Variants in WWOX observed in about 807,000 individuals in gnomAD.
The protein encoded by WWOX is WW domain containing oxidoreductase.
WWOX carries 69 observed loss-of-function variants against 46.2 expected under a neutral mutation model. The observed-to-expected ratio is 1.49, with a 90% CI of 1.23 to 1.82. The LOEUF (loss-of-function observed/expected upper bound fraction) is 1.82. Among genes scored for constraint, WWOX ranks in the 40% most tolerant of loss-of-function variants. WWOX has a pLI of 0.00. For missense variants in WWOX, 919 were observed against 542.6 expected (o/e 1.69, Z -6.89); for synonymous variants, 359 against 202.6 (o/e 1.77, Z -6.56).
chr16:78,573,498 T>G (rs2044770827), intron 8 of WWOX, among the ~76,000 whole-genome samples: 2 of 152,194 alleles, frequency 1.3e-5, no homozygotes, highest in Non-Finnish European at 2.9e-5. Context: ...AGATGCATCT[T>G]CCTAAAACAC....
intron 8 of WWOX, among the ~76,000 whole-genome samples, chr16:79,068,724 T>G (rs1263056897): frequency 6.6e-6 from 1 of 151,646 alleles, no homozygotes; most frequent in African/African-American, 2.4e-5. Flanking sequence ...GGTGGGAGGA[T>G]GGCTCGAGCC....
chr16:78,282,065 G>A (rs2079688472), intron 5 of WWOX, among the ~76,000 whole-genome samples: 2 of 152,194 alleles, frequency 1.3e-5, no homozygotes, highest in African/African-American at 2.4e-5. Context: ...GATTGGCCTA[G>A]TTTTAGGCAG....
intron 8 of WWOX, among the ~76,000 whole-genome samples, chr16:78,811,821 G>A (rs1326238505): frequency 1.3e-5 from 2 of 152,056 alleles, no homozygotes; most frequent in African/African-American, 4.8e-5. Context: ...AGGGGTAGAG[G>A]GACACAAACA....
At chr16:78,509,663 C>G (rs543571791) in intron 8 of WWOX, among the ~76,000 whole-genome samples, 1 of 152,148 alleles carries the variant, frequency 6.6e-6, no homozygotes, top group East Asian at 1.9e-4. Flanking sequence ...CTATTTACAC[C>G]ACGGAAACAG....
chr16:78,638,951 C>G (rs1410850077), intron 8 of WWOX, among the ~76,000 whole-genome samples: 1 of 152,058 alleles, frequency 6.6e-6, no homozygotes, highest in Non-Finnish European at 1.5e-5. Context: ...GAATGATTCC[C>G]TCTGGGGTGC....
chr16:78,808,401 A>G (rs940431928), intron 8 of WWOX, among the ~76,000 whole-genome samples: 4 of 152,232 alleles, frequency 2.6e-5, no homozygotes, highest in African/African-American at 9.6e-5. Context: ...ATAATTTTCA[A>G]ATATGGGTAA....
intron 5 of WWOX, among the ~76,000 whole-genome samples, chr16:78,331,737 A>C (rs556523955): frequency 6.6e-6 from 1 of 152,368 alleles, no homozygotes; most frequent in East Asian, 1.9e-4. Context: ...CTAGCTGTGT[A>C]GACATTGGTT....
chr16:78,254,111 C>G (rs555688391), intron 5 of WWOX, among the ~76,000 whole-genome samples: 140 of 151,928 alleles, frequency 9.2e-4, no homozygotes, highest in African/African-American at 3.3e-3. Context: ...TGTTCTGTCA[C>G]TCAGGCTAGA....
intron 8 of WWOX, among the ~76,000 whole-genome samples, chr16:78,699,391 T>C (rs1341443462): frequency 1.4e-5 from 2 of 145,180 alleles, no homozygotes; most frequent in African/African-American, 5.6e-5. Context: ...AAAAAAAAAT[T>C]AGCCAGGCGT....
intron 8 of WWOX, among the ~76,000 whole-genome samples, chr16:78,851,973 C>T (rs774740337): frequency 3.3e-5 from 5 of 152,148 alleles, no homozygotes; most frequent in African/African-American, 1.2e-4. Context: ...TTCATTCATT[C>T]CTCAGCTGTT....
intron 8 of WWOX, among the ~76,000 whole-genome samples, chr16:78,655,197 G>C (rs748383911): frequency 6.6e-6 from 1 of 152,056 alleles, no homozygotes; most frequent in African/African-American, 2.4e-5. Flanking sequence ...GTGAAACTGA[G>C]GTCTCACTCC....
chr16:78,367,467 C>T (rs1053457131), intron 5 of WWOX, among the ~76,000 whole-genome samples: 5 of 152,018 alleles, frequency 3.3e-5, no homozygotes, highest in Non-Finnish European at 7.4e-5. Context: ...ATATTTTATG[C>T]ACAGCCCAAG....
At chr16:78,568,268 G>T (rs771346655) in intron 8 of WWOX, among the ~76,000 whole-genome samples, 5 of 152,086 alleles carry the variant, frequency 3.3e-5, no homozygotes, top group Non-Finnish European at 7.4e-5. Flanking sequence ...GGTACGGGAT[G>T]AAGATGAGGG....
intron 5 of WWOX, among the ~76,000 whole-genome samples, chr16:78,190,962 A>G (rs2035865239): frequency 6.6e-6 from 1 of 151,970 alleles, no homozygotes; most frequent in Admixed American, 6.6e-5. Flanking sequence ...TTTCTCAAGG[A>G]CCTTTACTTG....
intron 8 of WWOX, among the ~76,000 whole-genome samples, chr16:78,452,505 C>G (rs1015458416): frequency 8.0e-5 from 9 of 112,754 alleles, no homozygotes; most frequent in African/African-American, 2.5e-4. Context: ...GAGACGGAGT[C>G]TTATTCTGTT....
intron 8 of WWOX, among the ~76,000 whole-genome samples, chr16:78,612,759 G>A (rs2045930598): frequency 6.6e-6 from 1 of 152,152 alleles, no homozygotes; most frequent in African/African-American, 2.4e-5. Flanking sequence ...TTACAGGCAT[G>A]AGCCACCCCA....
intron 5 of WWOX, among the ~76,000 whole-genome samples, chr16:78,220,058 T>G (rs1358275969): frequency 6.6e-6 from 1 of 152,244 alleles, no homozygotes; most frequent in African/African-American, 2.4e-5. Flanking sequence ...TAAAATGGAT[T>G]ATCCCCCTGT....
intron 8 of WWOX, among the ~76,000 whole-genome samples, chr16:79,156,201 G>A (rs2050378219): frequency 1.3e-5 from 2 of 152,074 alleles, no homozygotes; most frequent in South Asian, 2.1e-4. Flanking sequence ...TCACTCTGTT[G>A]CCCAGGCTGG....
chr16:78,601,738 G>A (rs948473846), intron 8 of WWOX, among the ~76,000 whole-genome samples: 1 of 152,196 alleles, frequency 6.6e-6, no homozygotes, highest in Non-Finnish European at 1.5e-5. Context: ...AGGAACAAAG[G>A]ATTAAGTTAG....
Sources: allele counts gnomAD v4.1 joint callset (sites outside exome capture counted in the v4.1 genomes callset), GRCh38; gene constraint gnomAD v4.1.1; transcripts MANE v1.5; gene names NCBI Gene and HGNC (gene_info 2026-07-23, HGNC 2026-07-21).